The following RAPGEF4 variants were observed in gnomAD, a reference collection of about 807,000 sequenced individuals.
The protein encoded by RAPGEF4 is RAP guanine-nucleotide-exchange factor (GEF) 4.
Under a neutral mutation model 147.9 loss-of-function variants are expected in RAPGEF4, and 66 were observed. That is an observed-to-expected ratio of 0.45 (90% CI 0.37 to 0.55). RAPGEF4 has a LOEUF of 0.55. Among genes scored for constraint, RAPGEF4 ranks in the 20% least tolerant of loss-of-function variants. RAPGEF4 has a pLI of 0.00. For missense variants in RAPGEF4, 1,071 were observed against 1,257.3 expected, an observed-to-expected ratio of 0.85 and a Z score of 2.24; for synonymous variants, 419 against 442.7, an observed-to-expected ratio of 0.95 and a Z score of 0.67.
chr2:172,884,562 T>C (rs898471699), intron 4 of RAPGEF4, among the ~76,000 whole-genome samples: 1 of 152,362 alleles, frequency 6.6e-6, no homozygotes. Flanking sequence ...TTGCCTCATA[T>C]GTGGGAATTC....
intron 1 of RAPGEF4, among the ~76,000 whole-genome samples, chr2:172,790,259 T>G (rs11884979): frequency 6.6e-6 from 1 of 152,026 alleles, no homozygotes; most frequent in Admixed American, 6.5e-5. Flanking sequence ...TTTGGAGAAA[T>G]GTCTATTCAA....
chr2:172,800,203 T>C (rs1315024839), intron 3 of RAPGEF4, among the ~76,000 whole-genome samples: 2 of 152,194 alleles, frequency 1.3e-5, no homozygotes, highest in African/African-American at 4.8e-5. Context: ...GTTTTCTGGA[T>C]GGATTTGTAT....
chr2:172,906,680 C>T (rs142472101), intron 4 of RAPGEF4, among the ~76,000 whole-genome samples: 5 of 152,144 alleles, frequency 3.3e-5, no homozygotes, highest in African/African-American at 1.2e-4. Context: ...GGTGGAGGCT[C>T]CTCCTTGGCA....
intron 4 of RAPGEF4, among the ~76,000 whole-genome samples, chr2:172,916,641 C>CA (rs1684105003): frequency 6.6e-6 from 1 of 152,082 alleles, no homozygotes; most frequent in South Asian, 2.1e-4. Flanking sequence ...TGTTTGCATG[C>CA]AGGTGTTGGT....
At chr2:172,983,439 T>C (rs1316949946) in intron 10 of RAPGEF4, 57 bp from the exon 11 acceptor site, 1 of 1,564,914 alleles carries the variant, frequency 6.4e-7, no homozygotes, top group African/African-American at 1.4e-5. Flanking sequence ...GTTTCCATGT[T>C]TGAGGCCCTA....
At chr2:172,983,679 CT>C (rs1575441159) in intron 11 of RAPGEF4, 99 bp downstream of exon 11, 2 of 1,496,992 alleles carry the variant, frequency 1.3e-6, no homozygotes, top group Non-Finnish European at 1.8e-6. Flanking sequence ...GAAAGAATGT[CT>C]GATTTTCACC....
intron 26 of RAPGEF4, among the ~76,000 whole-genome samples, chr2:173,033,382 A>G (rs1216804840): frequency 6.6e-6 from 1 of 152,210 alleles, no homozygotes; most frequent in Non-Finnish European, 1.5e-5. Context: ...ATTCAAATGA[A>G]TATTTAGGGA....
intron 1 of RAPGEF4, among the ~76,000 whole-genome samples, chr2:172,741,309 T>C (rs1387545455): frequency 6.6e-6 from 1 of 152,262 alleles, no homozygotes; most frequent in African/African-American, 2.4e-5. Flanking sequence ...TTATTCATCA[T>C]TTTATCTTCA....
chr2:172,895,560 T>C (rs1322982821), intron 4 of RAPGEF4, among the ~76,000 whole-genome samples: 4 of 152,240 alleles, frequency 2.6e-5, no homozygotes, highest in Non-Finnish European at 5.9e-5. Flanking sequence ...TCTTTGAATT[T>C]AGTTATTGCC....
chr2:173,048,756 G>C, intron 30 of RAPGEF4, 102 bp downstream of exon 30: 1 of 1,567,110 alleles, frequency 6.4e-7, no homozygotes, highest in Non-Finnish European at 8.6e-7. Flanking sequence ...ATATCTGACT[G>C]TGTCAGAGAC....
At chr2:172,921,326 G>T (rs775242348) in intron 5 of RAPGEF4, among the ~76,000 whole-genome samples, 12 of 152,064 alleles carry the variant, frequency 7.9e-5, no homozygotes, top group African/African-American at 2.4e-4. Context: ...GGGCTCAAGA[G>T]ATCCACCTGC....
intron 1 of RAPGEF4, among the ~76,000 whole-genome samples, chr2:172,740,773 C>G (rs888013753): frequency 6.6e-6 from 1 of 152,206 alleles, no homozygotes; most frequent in East Asian, 1.9e-4. Flanking sequence ...GCTGGTCTTG[C>G]AATCTCAGAA....
chr2:172,843,485 A>C (rs1691842944), intron 4 of RAPGEF4, among the ~76,000 whole-genome samples: 1 of 152,180 alleles, frequency 6.6e-6, no homozygotes, highest in Non-Finnish European at 1.5e-5. Flanking sequence ...TTTCTTCAAA[A>C]TGTAATTATA....
At chr2:172,954,892 G>A (rs992537351) in intron 6 of RAPGEF4, among the ~76,000 whole-genome samples, 1 of 152,176 alleles carries the variant, frequency 6.6e-6, no homozygotes, top group African/African-American at 2.4e-5. Flanking sequence ...ACCCGTAGAA[G>A]TTTGGCTTTT....
At chr2:172,938,244 C>CACACAG (rs1211439509) in intron 6 of RAPGEF4, among the ~76,000 whole-genome samples, 2 of 151,292 alleles carry the variant, frequency 1.3e-5, no homozygotes, top group South Asian at 2.1e-4. Flanking sequence ...CACACACACA[C>CACACAG]AGACAACCAT....
chr2:172,846,960 T>G (rs1692265932), intron 4 of RAPGEF4, among the ~76,000 whole-genome samples: 2 of 152,168 alleles, frequency 1.3e-5, no homozygotes, highest in South Asian at 4.1e-4. Flanking sequence ...CTTTGGAATG[T>G]GAGCAACCTG....
intron 1 of RAPGEF4, among the ~76,000 whole-genome samples, chr2:172,761,340 ATGTT>A (rs1414738329): frequency 3.3e-5 from 5 of 151,796 alleles, no homozygotes; most frequent in East Asian, 1.9e-4. Context: ...GGTTAGGAAA[ATGTT>A]TGTTTGAGAC....
At chr2:172,938,738 G>A (rs1383082400) in intron 6 of RAPGEF4, among the ~76,000 whole-genome samples, 2 of 152,162 alleles carry the variant, frequency 1.3e-5, no homozygotes, top group Non-Finnish European at 2.9e-5. Context: ...AGTTATATGA[G>A]TTTTGACAGA....
At chr2:173,007,226 G>T (rs1250936168) in intron 17 of RAPGEF4, among the ~76,000 whole-genome samples, 1 of 152,206 alleles carries the variant, frequency 6.6e-6, no homozygotes, top group Non-Finnish European at 1.5e-5. Flanking sequence ...ATGAGTACAA[G>T]CCCTTGGCTT....
Sources: gnomAD v4.1 joint callset for allele counts (sites outside exome capture counted in the v4.1 genomes callset) on GRCh38, gnomAD v4.1.1 for gene constraint, MANE v1.5 for transcripts, NCBI Gene and HGNC (gene_info 2026-07-23, HGNC 2026-07-21) for gene names.